Variants in CA8 observed in about 807,000 individuals in gnomAD.
CA8 encodes the protein carbonic anhydrase-related protein.
A neutral mutation model predicts 41.4 loss-of-function variants in CA8; 22 were observed. The observed-to-expected ratio is 0.53, with a 90% CI of 0.38 to 0.76. The LOEUF (loss-of-function observed/expected upper bound fraction) is 0.76, where lower values mean the gene tolerates loss of function less well. CA8 is among the 30% of genes least tolerant of loss of function. The pLI, the probability that CA8 is intolerant of heterozygous loss-of-function variation, is 0.00. For synonymous variants in CA8, 121 were observed against 130.6 expected (o/e 0.93, Z 0.50); for missense variants, 270 against 352.8 (o/e 0.77, Z 1.88).
At chr8:60,195,892 G>C (rs1806267323) in intron 8 of CA8, among the ~76,000 whole-genome samples, 1 of 152,130 alleles carries the variant, frequency 6.6e-6, no homozygotes, top group African/African-American at 2.4e-5. Flanking sequence ...AAGAGGTCAG[G>C]AGTGTCAAAC....
intron 3 of CA8, among the ~76,000 whole-genome samples, chr8:60,239,412 C>T (rs1311087804): frequency 2.6e-5 from 4 of 152,160 alleles, no homozygotes; most frequent in African/African-American, 9.7e-5. Flanking sequence ...AATCTTTTGG[C>T]TTCCCTGGGC....
At chr8:60,269,813 A>T (rs2130609274) in intron 2 of CA8, among the ~76,000 whole-genome samples, 1 of 152,320 alleles carries the variant, frequency 6.6e-6, no homozygotes, top group East Asian at 1.9e-4. Context: ...TTAAAAAAGT[A>T]AACTGAATAG....
chr8:60,250,798 T>C (rs1808414722), intron 3 of CA8, among the ~76,000 whole-genome samples: 1 of 152,212 alleles, frequency 6.6e-6, no homozygotes, highest in African/African-American at 2.4e-5. Flanking sequence ...TGTGTAATGT[T>C]GAACAGTGAT....
At chr8:60,280,975 A>T in intron 1 of CA8, 73 bp downstream of exon 1, 1 of 1,084,632 alleles carries the variant, frequency 9.2e-7, no homozygotes, top group Non-Finnish European at 1.4e-6. Flanking sequence ...CGGCAGCAGG[A>T]CTCGAGTCCC....
Position 60,185,663 on chromosome 8 carries a change from A to G in CA8, c.*4358T>C, listed in dbSNP as rs1805944257. 6.6e-6 allele frequency among the ~76,000 whole-genome samples: 1 copy of G among 152,198 alleles called. No homozygotes were observed. Among genetic ancestry groups the G allele is most frequent in the South Asian group, 2.1e-4 (1 of 4,832 alleles). On this transcript the variant is annotated 3_prime_UTR_variant, in exon 9 of 9. Transcript: ENST00000317995. Reference sequence around the variant, plus strand: ...CAGCAGATGCTGAGAAAACAAAAACAGAAACAGAAACTTTTCACCAGGAGT... The same window carrying G: ...CAGCAGATGCTGAGAAAACAAAAACGGAAACAGAAACTTTTCACCAGGAGT...
intron 2 of CA8, among the ~76,000 whole-genome samples, chr8:60,270,302 G>A (rs1249569455): frequency 6.6e-6 from 1 of 152,230 alleles, no homozygotes; most frequent in Non-Finnish European, 1.5e-5. Context: ...GATGAAGCCT[G>A]CAGAGCCACA....
chr8:60,265,025 C>T (rs1017406010), intron 3 of CA8: 11 of 152,102 alleles, frequency 7.2e-5, no homozygotes, highest in African/African-American at 2.7e-4. Context: ...CAGCAGCCCC[C>T]AGAACATACT....
intron 5 of CA8, 37 bp downstream of exon 5, chr8:60,226,836 A>G (rs769200966): frequency 1.6e-6 from 2 of 1,270,424 alleles, no homozygotes; most frequent in Non-Finnish European, 2.3e-6. Flanking sequence ...GCTCCTACAC[A>G]ACCAGTATTT....
At chr8:60,232,126 G>T (rs1045172998) in intron 4 of CA8, among the ~76,000 whole-genome samples, 158 bp downstream of exon 4, 6 of 152,050 alleles carry the variant, frequency 3.9e-5, no homozygotes, top group Admixed American at 3.9e-4. Flanking sequence ...TCTGAACTCC[G>T]ATAAACCATA....
intron 3 of CA8, among the ~76,000 whole-genome samples, chr8:60,248,836 AT>A (rs1258673391): frequency 1.3e-5 from 2 of 152,166 alleles, no homozygotes; most frequent in Non-Finnish European, 2.9e-5. Context: ...ATAATGCTAT[AT>A]AAATTACTTC....
chr8:60,231,822 T>C (rs1320820304), intron 4 of CA8, among the ~76,000 whole-genome samples: 2 of 152,242 alleles, frequency 1.3e-5, no homozygotes, highest in African/African-American at 2.4e-5. Flanking sequence ...CCAAGGTCTT[T>C]GCCAGTCTGA....
chr8:60,198,004 A>T (rs1457245443), intron 8 of CA8, among the ~76,000 whole-genome samples: 1 of 152,186 alleles, frequency 6.6e-6, no homozygotes, highest in Non-Finnish European at 1.5e-5. Context: ...AAATGAAAAC[A>T]TATGGTTCTT....
At chr8:60,266,122 T>A in intron 2 of CA8, 73 bp from the exon 3 acceptor site, 1 of 1,480,400 alleles carries the variant, frequency 6.8e-7, no homozygotes, top group South Asian at 1.2e-5. Flanking sequence ...AGAGACTTTT[T>A]TTTTTTCCAC....
intron 7 of CA8, among the ~76,000 whole-genome samples, chr8:60,210,469 T>C (rs190529340): frequency 3.7e-4 from 56 of 152,324 alleles, no homozygotes; most frequent in Non-Finnish European, 7.1e-4. Context: ...AATTTTTACA[T>C]GTGCATTTTC....
intron 3 of CA8, among the ~76,000 whole-genome samples, chr8:60,236,525 C>G (rs2130507639): frequency 6.6e-6 from 1 of 152,220 alleles, no homozygotes; most frequent in South Asian, 2.1e-4. Context: ...AAGTTTAAAT[C>G]TGATGACGAC....
At chr8:60,268,582 T>C (rs1298820913) in intron 2 of CA8, among the ~76,000 whole-genome samples, 1 of 152,234 alleles carries the variant, frequency 6.6e-6, no homozygotes, top group Non-Finnish European at 1.5e-5. Context: ...AAATTCAAAC[T>C]GCACAGACCC....
At chr8:60,219,426 G>T (rs1189047848) in intron 7 of CA8, among the ~76,000 whole-genome samples, 2 of 152,162 alleles carry the variant, frequency 1.3e-5, no homozygotes, top group African/African-American at 4.8e-5. Flanking sequence ...AAAGTGCTGG[G>T]ATTACAGGCA....
intron 3 of CA8, among the ~76,000 whole-genome samples, chr8:60,243,147 G>C (rs549601622): frequency 3.3e-5 from 5 of 152,108 alleles, no homozygotes; most frequent in African/African-American, 9.6e-5. Context: ...CAGCCCAAAG[G>C]CCCACCAGTC....
At chr8:60,192,729 GT>G (rs1806165166) in intron 8 of CA8, among the ~76,000 whole-genome samples, 1 of 152,080 alleles carries the variant, frequency 6.6e-6, no homozygotes, top group Non-Finnish European at 1.5e-5. Flanking sequence ...AAGGCTTAAA[GT>G]TTTTAAATGT....
Sources: allele counts gnomAD v4.1 joint callset (sites outside exome capture counted in the v4.1 genomes callset), GRCh38; gene constraint gnomAD v4.1.1; transcripts MANE v1.5; gene names NCBI Gene and HGNC (gene_info 2026-07-23, HGNC 2026-07-21).